The following TUG1 variants were observed in gnomAD, a reference collection of about 807,000 sequenced individuals.
The protein encoded by TUG1 is taurine up-regulated 1, also known as taurine upregulated gene 1.
chr22:30,971,940 A>G (rs1216275578), intron 1 of TUG1, 161 bp downstream of exon 1: 6 of 152,184 alleles, frequency 3.9e-5, no homozygotes, highest in Non-Finnish European at 8.8e-5. Context: ...GAGTCTCCTA[A>G]CTAGCCAGAA....
exon 1 of TUG1, chr22:30,969,922 C>G (rs980401096): frequency 2.0e-5 from 3 of 152,238 alleles, no homozygotes; most frequent in Admixed American, 2.0e-4. Flanking sequence ...GGCGGAGTGA[C>G]CTTAGGCGAG....
exon 1 of TUG1, chr22:30,970,372 G>A (rs1179050206): frequency 6.6e-6 from 1 of 152,184 alleles, no homozygotes; most frequent in African/African-American, 2.4e-5. Flanking sequence ...GGATATGTGA[G>A]CTGTTTCTAT....
chr22:30,979,124 T>C (rs1254109086), exon 3 of TUG1: 1 of 152,166 alleles, frequency 6.6e-6, no homozygotes, highest in Non-Finnish European at 1.5e-5. Context: ...ATCTCGTATC[T>C]GTTAAAATGA....
At chr22:30,976,134 A>AT (rs1221295418) in exon 3 of TUG1, 1 of 143,876 alleles carries the variant, frequency 7.0e-6, no homozygotes, top group Non-Finnish European at 1.5e-5. Context: ...CTCCAGAATT[A>AT]TTATGACTAT....
chr22:30,973,693 C>T (rs1031115554), intron 2 of TUG1, 106 bp downstream of exon 2: 1 of 152,126 alleles, frequency 6.6e-6, no homozygotes, highest in African/African-American at 2.4e-5. Flanking sequence ...AATTATAATC[C>T]CTTTTTGGAA....
exon 1 of TUG1, chr22:30,970,174 GA>G (rs1602527467): frequency 6.6e-6 from 1 of 152,274 alleles, no homozygotes; most frequent in East Asian, 1.9e-4. Context: ...CGGTTTGGGG[GA>G]ATGATGGGAA....
At position 30,979,204 on chromosome 22, in the gene TUG1, AGT is replaced by A. The variant is rs530158530; in HGVS notation, c.*6732_*6733del. ...AGGTGAAACAAGTTATTAATAGAAA[AGT>A]GTACAGTGTGAACTCATTTTAAAAT... On this transcript the variant is annotated 3_prime_UTR_variant, in exon 3 of 3. Transcript: ENST00000644773. 2.0e-5 allele frequency: 3 copies of A among 152,338 alleles called. No individual in the cohort carries two copies. The South Asian group carries it at 6.2e-4, about 32-fold the overall frequency. The allele number at this position is 152,338 out of a possible 1,614,324, so 9.4% of individuals were successfully genotyped here.
chr22:30,977,347 C>T (rs2041300729), exon 3 of TUG1: 1 of 152,098 alleles, frequency 6.6e-6, no homozygotes, highest in South Asian at 2.1e-4. Context: ...GACTTGATTA[C>T]CAAAGAAAGT....
exon 3 of TUG1, chr22:30,975,415 C>T (rs1274821978): frequency 6.6e-6 from 1 of 152,282 alleles, no homozygotes; most frequent in Non-Finnish European, 1.5e-5. Context: ...ACCACTGCCC[C>T]AGACAGCAAT....
exon 3 of TUG1, chr22:30,979,299 C>T (rs2041324190): frequency 6.6e-6 from 1 of 150,962 alleles, no homozygotes; most frequent in Admixed American, 6.6e-5. Context: ...GTGTAGATCA[C>T]ATGAAACTTT....
exon 3 of TUG1, chr22:30,976,633 T>C (rs907741883): frequency 3.9e-5 from 6 of 152,308 alleles, no homozygotes; most frequent in South Asian, 2.1e-4. Context: ...AGACAACTTA[T>C]CTGTTTCAGC....
At chr22:30,977,570 C>T (rs1428793436) in exon 3 of TUG1, 1 of 151,880 alleles carries the variant, frequency 6.6e-6, no homozygotes, top group African/African-American at 2.4e-5. Flanking sequence ...GGATTAACCC[C>T]TGAGTACCCA....
chr22:30,976,170 C>T (rs1020428358), exon 3 of TUG1: 1 of 151,946 alleles, frequency 6.6e-6, no homozygotes, highest in Non-Finnish European at 1.5e-5. Context: ...AGTTGAACTT[C>T]AAGCGACAAT....
exon 3 of TUG1, chr22:30,977,789 A>C (rs2041306183): frequency 6.6e-6 from 1 of 152,136 alleles, no homozygotes; most frequent in Admixed American, 6.5e-5. Flanking sequence ...CCAATACAAC[A>C]AGGATTTTTA....
chr22:30,976,086 GA>G (rs926406293), exon 3 of TUG1: 2 of 145,372 alleles, frequency 1.4e-5, no homozygotes, highest in African/African-American at 5.0e-5. Flanking sequence ...AAAAAAGGCT[GA>G]ATTCTTTTTT....
intron 1 of TUG1, 179 bp from the exon 2 acceptor site, chr22:30,972,676 T>G (rs949562973): frequency 1.3e-5 from 2 of 152,674 alleles, no homozygotes; most frequent in Admixed American, 1.3e-4. Context: ...ACTTTTGTGT[T>G]TTCTTTTTTG....
chr22:30,975,842 C>T (rs1189521389), exon 3 of TUG1: 1 of 152,126 alleles, frequency 6.6e-6, no homozygotes, highest in Non-Finnish European at 1.5e-5. Context: ...GTACATTTGA[C>T]CTCTTGTTAT....
chr22:30,973,984 G>T (rs557683104), intron 2 of TUG1: 3 of 152,270 alleles, frequency 2.0e-5, no homozygotes, highest in Middle Eastern at 3.4e-3. Context: ...TAATATCTCC[G>T]TGGTGGTAGA....
exon 2 of TUG1, chr22:30,973,173 A>T (rs2041250424): frequency 6.6e-6 from 1 of 152,588 alleles, no homozygotes; most frequent in African/African-American, 2.4e-5. Context: ...ATGAGTGTGC[A>T]TTTCATTTCT....
Sources: gnomAD v4.1 joint callset for allele counts on GRCh38, gnomAD v4.1.1 for gene constraint, MANE v1.5 for transcripts, NCBI Gene and HGNC (gene_info 2026-07-23, HGNC 2026-07-21) for gene names.